RAF1: variants seen among roughly 807,000 people sequenced by gnomAD.
The protein encoded by RAF1 is Raf-1 proto-oncogene, serine/threonine kinase.
RAF1 carries 27 observed loss-of-function variants against 81.1 expected under a neutral mutation model. That is an observed-to-expected ratio of 0.33 (90% CI 0.25 to 0.46). The LOEUF is 0.46. Among genes scored for constraint, RAF1 ranks in the 20% least tolerant of loss-of-function variants. RAF1 has a pLI of 1.00. For synonymous variants in RAF1, 298 were observed against 294.0 expected, an observed-to-expected ratio of 1.01 and a Z score of -0.14; for missense variants, 598 against 826.0, an observed-to-expected ratio of 0.72 and a Z score of 3.38.
intron 11 of RAF1, among the ~76,000 whole-genome samples, chr3:12,594,525 A>G (rs866939917): frequency 1.3e-5 from 2 of 152,140 alleles, no homozygotes; most frequent in African/African-American, 4.8e-5. Context: ...TTCTGGCCCT[A>G]ATCAGTAATA....
chr3:12,644,781 T>C (rs991578288), intron 1 of RAF1, among the ~76,000 whole-genome samples: 2 of 152,118 alleles, frequency 1.3e-5, no homozygotes, highest in African/African-American at 4.8e-5. Context: ...TTTGAGTTTT[T>C]CCTCAAATAC....
At chr3:12,652,959 T>TTA (rs1559490380) in intron 1 of RAF1, among the ~76,000 whole-genome samples, 1 of 150,512 alleles carries the variant, frequency 6.6e-6, no homozygotes, top group African/African-American at 2.4e-5. Context: ...AAAATTTTTT[T>TTA]AATTAAATAA....
At chr3:12,657,489 G>A (rs2060733242) in intron 1 of RAF1, among the ~76,000 whole-genome samples, 1 of 152,038 alleles carries the variant, frequency 6.6e-6, no homozygotes, top group African/African-American at 2.4e-5. Context: ...TCCAGGCAGG[G>A]GCCAGGCGCA....
At chr3:12,661,295 A>T (rs1475196074) in intron 1 of RAF1, among the ~76,000 whole-genome samples, 1 of 152,220 alleles carries the variant, frequency 6.6e-6, no homozygotes, top group East Asian at 1.9e-4. Context: ...CAATACAAAT[A>T]AATAGTTTAT....
At chr3:12,652,573 C>T (rs375187449) in intron 1 of RAF1, among the ~76,000 whole-genome samples, 13 of 151,992 alleles carry the variant, frequency 8.6e-5, no homozygotes, top group Admixed American at 3.3e-4. Flanking sequence ...ATACATAACA[C>T]CATTTGCACA....
intron 1 of RAF1, among the ~76,000 whole-genome samples, chr3:12,635,857 C>G (rs2060011256): frequency 6.6e-6 from 1 of 151,474 alleles, no homozygotes; most frequent in Non-Finnish European, 1.5e-5. Flanking sequence ...CCTGTAGTCC[C>G]AGCTACTCAG....
intron 1 of RAF1, among the ~76,000 whole-genome samples, chr3:12,632,521 T>C (rs988219517): frequency 1.3e-5 from 2 of 152,166 alleles, no homozygotes; most frequent in Non-Finnish European, 2.9e-5. Flanking sequence ...AAGGTAAAGA[T>C]ACAGATTGAT....
chr3:12,627,456 C>A (rs2059737962), intron 1 of RAF1, among the ~76,000 whole-genome samples: 1 of 152,140 alleles, frequency 6.6e-6, no homozygotes, highest in Non-Finnish European at 1.5e-5. Context: ...ATGGGCCTAA[C>A]CCCAAAATCA....
At chr3:12,635,417 A>ACT (rs2059991057) in intron 1 of RAF1, among the ~76,000 whole-genome samples, 1 of 150,412 alleles carries the variant, frequency 6.6e-6, no homozygotes, top group African/African-American at 2.4e-5. Context: ...TGGGCGGATC[A>ACT]TGTAAGGTCA....
At chr3:12,591,959 T>C in intron 11 of RAF1, 167 bp from the exon 11 acceptor site, 1 of 664,140 alleles carries the variant, frequency 1.5e-6, no homozygotes, top group South Asian at 1.6e-5. Context: ...GGTCTCACTC[T>C]GTTGTCTAGG....
intron 8 of RAF1, among the ~76,000 whole-genome samples, chr3:12,602,935 G>A (rs1299302857): frequency 1.3e-5 from 2 of 152,020 alleles, no homozygotes; most frequent in East Asian, 3.9e-4. Flanking sequence ...AAACACATTT[G>A]GTTACTAATG....
At chr3:12,630,939 G>A (rs1396181131) in intron 1 of RAF1, among the ~76,000 whole-genome samples, 1 of 152,142 alleles carries the variant, frequency 6.6e-6, no homozygotes, top group Non-Finnish European at 1.5e-5. Flanking sequence ...GAGTAGCTGG[G>A]ACTACAGGCA....
At chr3:12,653,509 G>C (rs116648171) in intron 1 of RAF1, among the ~76,000 whole-genome samples, 4 of 152,026 alleles carry the variant, frequency 2.6e-5, no homozygotes, top group East Asian at 1.9e-4. Flanking sequence ...ACTTTGGGAG[G>C]CCGAGCTGGT....
intron 13 of RAF1, chr3:12,589,413 A>C (rs1490185212): frequency 1.3e-5 from 2 of 152,172 alleles, no homozygotes; most frequent in Non-Finnish European, 2.9e-5. Flanking sequence ...ACAGTGTGAG[A>C]ATTTATGTAG....
At position 12,638,797 on chromosome 3, in the gene RAF1, A is replaced by G. The variant is rs563922439; in HGVS notation, c.-26-20050T>C. ...ATGCCTGTAATCCCAACACTTTGGG[A>G]GGCTGAGATGGGCGGATCACCTGAA... On this transcript the variant is annotated intron_variant, in intron 1 of 17. Coordinates refer to ENST00000442415, the MANE Select transcript of RAF1 (RefSeq NM_001354689.3). Among the ~76,000 whole-genome samples the G allele has an allele frequency of 2.6e-5, 4 of 152,326 alleles. No individual in the cohort carries two copies. The East Asian group carries it at 7.7e-4, about 29-fold the overall frequency.
At chr3:12,632,402 G>GT (rs1344300530) in intron 1 of RAF1, among the ~76,000 whole-genome samples, 3 of 151,612 alleles carry the variant, frequency 2.0e-5, no homozygotes, top group Admixed American at 1.3e-4. Flanking sequence ...ATCACTGTCT[G>GT]TTTTTTTCTG....
At chr3:12,627,936 A>C (rs573326602) in intron 1 of RAF1, among the ~76,000 whole-genome samples, 4 of 152,332 alleles carry the variant, frequency 2.6e-5, no homozygotes, top group African/African-American at 9.6e-5. Context: ...CCTGGCCCAC[A>C]TGGCAAAATC....
intron 5 of RAF1, 90 bp from the exon 6 acceptor site, chr3:12,606,389 A>G: frequency 2.2e-6 from 2 of 890,526 alleles, no homozygotes; most frequent in Non-Finnish European, 3.7e-6. Flanking sequence ...ACTCAGAGCT[A>G]CTAAAACTGA....
intron 1 of RAF1, among the ~76,000 whole-genome samples, chr3:12,621,789 A>G (rs1240729674): frequency 6.6e-6 from 1 of 152,232 alleles, no homozygotes; most frequent in African/African-American, 2.4e-5. Flanking sequence ...GTAGATCCAT[A>G]TATACAGAGG....
Sources: gnomAD v4.1 joint callset for allele counts (sites outside exome capture counted in the v4.1 genomes callset) on GRCh38, gnomAD v4.1.1 for gene constraint, MANE v1.5 for transcripts, NCBI Gene and HGNC (gene_info 2026-07-23, HGNC 2026-07-21) for gene names.